ANKRD42: variants seen among roughly 807,000 people sequenced by gnomAD.
ANKRD42 encodes the protein ankyrin repeat domain-containing protein 42.
Under a neutral mutation model 51.5 loss-of-function variants are expected in ANKRD42, and 43 were observed. The ratio of observed to expected loss-of-function variants is 0.83; its 90% CI spans 0.65 to 1.08. The LOEUF is 1.08. ANKRD42 is among the 50% of genes least tolerant of loss of function. The probability of loss-of-function intolerance (pLI) is 0.00; values close to 1 mark genes in which losing one functional copy is unlikely to be tolerated. For missense variants in ANKRD42, 608 were observed against 629.3 expected, an observed-to-expected ratio of 0.97 and a Z score of 0.36; for synonymous variants, 203 against 213.0, an observed-to-expected ratio of 0.95 and a Z score of 0.41.
At chr11:83,208,116 T>A (rs1862149880) in intron 3 of ANKRD42, among the ~76,000 whole-genome samples, 1 of 152,050 alleles carries the variant, frequency 6.6e-6, no homozygotes, top group African/African-American at 2.4e-5. Flanking sequence ...ATCAACCTCC[T>A]GGGCCCAAGT....
intron 1 of ANKRD42, among the ~76,000 whole-genome samples, chr11:83,196,386 T>A (rs1343295275): frequency 7.5e-6 from 1 of 133,572 alleles, no homozygotes; most frequent in African/African-American, 3.3e-5. Context: ...GATTTGTGTG[T>A]GAGTGTGTGA....
intron 6 of ANKRD42, among the ~76,000 whole-genome samples, chr11:83,226,038 A>C (rs1862871982): frequency 6.6e-6 from 1 of 152,288 alleles, no homozygotes; most frequent in East Asian, 1.9e-4. Context: ...GATTATAGGC[A>C]TGGGCCACTG....
intron 5 of ANKRD42, among the ~76,000 whole-genome samples, chr11:83,224,405 A>G (rs933694390): frequency 6.6e-6 from 1 of 152,086 alleles, no homozygotes; most frequent in East Asian, 1.9e-4. Flanking sequence ...CTCTTCGGTG[A>G]CCCTCATCTG....
In ANKRD42 at chr11:83,194,071, A is replaced by G. The variant is rs1463268992; in HGVS notation, c.-600A>G. On this transcript the variant is annotated 5_prime_UTR_variant, in exon 1 of 11. Transcript: ENST00000533342. ...CCTCGGCCACTGCCGCAGCGTCTCTAGGGAGAGAGTTAGGGGAGATAGTGG... is the reference window on the plus strand; with the variant it reads ...CCTCGGCCACTGCCGCAGCGTCTCTGGGGAGAGAGTTAGGGGAGATAGTGG... 2.2e-5 allele frequency: 10 copies of G among 456,366 alleles called. No homozygotes were observed. The highest frequency in any genetic ancestry group is 4.4e-5 in the Non-Finnish European group (10 of 226,796). The allele number at this position is 456,366 out of a possible 1,614,324, so 28.3% of individuals were successfully genotyped here.
chr11:83,248,174 G>A lies in ANKRD42; in HGVS notation c.1554G>A (p.Leu518=). 1 of 1,525,348 alleles carries A rather than the reference G, an allele frequency of 6.6e-7. No homozygotes were observed. The highest frequency in any genetic ancestry group is 8.8e-7 in the Non-Finnish European group (1 of 1,138,328). 94.5% of individuals were successfully genotyped at this position (1,525,348 alleles called of 1,614,324 possible). Residue 518 remains leucine (L), a synonymous_variant, in exon 11 of 11, where the codon TTG becomes TTA. Transcript: ENST00000533342. ...PRVQALGWGS[L]DLNPGYSLF is the part of the protein sequence containing the mutation. ...TACAAGCTTTGGGCTGGGGCTCTTT[G>A]GACTTGAATCCTGGCTATAGTCTTT...
At chr11:83,227,513 G>T (rs1221194450) in intron 6 of ANKRD42, among the ~76,000 whole-genome samples, 1 of 152,274 alleles carries the variant, frequency 6.6e-6, no homozygotes, top group Non-Finnish European at 1.5e-5. Flanking sequence ...GCTAAAAATT[G>T]TCCTGGTACA....
chr11:83,227,280 G>T (rs760240193), intron 6 of ANKRD42, among the ~76,000 whole-genome samples: 27 of 151,766 alleles, frequency 1.8e-4, no homozygotes, highest in Non-Finnish European at 3.1e-4. Flanking sequence ...ACCTGGCTAA[G>T]TTTTGTATTT....
downstream of ANKRD42, chr11:83,261,880 G>A (rs1863944094): frequency 3.3e-6 from 5 of 1,538,448 alleles, no homozygotes; most frequent in Admixed American, 1.9e-5. Context: ...GTTCTAAGAA[G>A]CCAACAGCCA....
rs1221926999 is a variant in ANKRD42 at position 83,193,801 on chromosome 11, G to C, written c.-870G>C. 2.2e-6 allele frequency: 1 copy of C among 454,646 alleles called. No individual in the cohort carries two copies. The highest frequency in any genetic ancestry group is 2.4e-5 in the Admixed American group (1 of 42,142). The allele number at this position is 454,646 out of a possible 1,614,324, so 28.2% of individuals were successfully genotyped here. A position where few individuals can be genotyped will look rare whatever the true frequency, so the allele number is the denominator to read the frequency against. ...AAGAGACTCCGAGAAAGTACCAGCG[G>C]AAGGCGGCCGCCGCTACGGCGATTC... On this transcript the variant is annotated 5_prime_UTR_variant, in exon 1 of 11. Transcript: ENST00000533342.
chr11:83,228,962 TTA>T (rs1862985046), intron 7 of ANKRD42, among the ~76,000 whole-genome samples: 1 of 151,868 alleles, frequency 6.6e-6, no homozygotes, highest in African/African-American at 2.4e-5. Context: ...TGTTTTTTTT[TTA>T]ATGTGGTTTC....
At chr11:83,228,934 G>GT (rs1001596607) in intron 7 of ANKRD42, among the ~76,000 whole-genome samples, 8 of 101,330 alleles carry the variant, frequency 7.9e-5, no homozygotes, top group South Asian at 3.6e-4. Flanking sequence ...TGTACCTAAA[G>GT]TTTTTTTTGT....
Position 83,195,830 on chromosome 11 carries a change from A to ACT in ANKRD42, c.58+1117_58+1118dup, listed in dbSNP as rs1183472287. On this transcript the variant is annotated intron_variant, in intron 1 of 10. Transcript: ENST00000533342. ...AACTGTATTCTTACATGATCTACCT[A>ACT]CTCTCTCTCTCTCTCTTTTTTTTTT... is the stretch of plus-strand genomic sequence containing the variant. 1.3e-3 allele frequency among the ~76,000 whole-genome samples: 180 copies of ACT among 138,488 alleles called. 1 individual carries two copies. The highest frequency in any genetic ancestry group is 4.1e-3 in the Middle Eastern group (1 of 244). 90.9% of individuals were successfully genotyped at this position (138,488 alleles called of 152,430 possible).
exon 12 of ANKRD42, chr11:83,255,889 A>T (rs1443289645): frequency 1.3e-6 from 2 of 1,492,090 alleles, no homozygotes; most frequent in East Asian, 2.6e-5. Flanking sequence ...AGAGGCGAGT[A>T]AAAAAAAAGG....
Position 83,227,817 on chromosome 11 carries a change from T to TGG in ANKRD42, c.859_860dup (p.Val288GlufsTer2), listed in dbSNP as rs765484686. 6 of 1,613,452 alleles carry TGG rather than the reference T, an allele frequency of 3.7e-6. No individual in the cohort carries two copies. The East Asian group carries it at 1.3e-4, about 36-fold the overall frequency. The stretch of plus-strand genomic sequence containing the variant: ...GGATGCTTAAGAAATTAGTGGAAGA[T>TGG]GGAGTAATCAATATTAATGAGCGTG... On this transcript the variant is annotated frameshift_variant, in exon 7 of 11. Transcript: ENST00000533342. LOFTEE classifies it high-confidence loss of function.
At chr11:83,195,587 C>T (rs1327552317) in intron 1 of ANKRD42, among the ~76,000 whole-genome samples, 1 of 152,100 alleles carries the variant, frequency 6.6e-6, no homozygotes. Context: ...TCTATATATC[C>T]TCTCTGTCCT....
At chr11:83,259,801 A>C (rs908303640), downstream of ANKRD42, 1 of 152,238 alleles carries the variant, frequency 6.6e-6, no homozygotes, top group Non-Finnish European at 1.5e-5. Flanking sequence ...AGCAGCTAGG[A>C]CTATAGATGT....
chr11:83,212,965 C>G, intron 5 of ANKRD42: 1 of 1,564,844 alleles, frequency 6.4e-7, no homozygotes, highest in East Asian at 2.2e-5. Context: ...CCTCTCTCGG[C>G]GCTGCCTACG....
At chr11:83,217,000 G>A (rs980720359) in intron 5 of ANKRD42, among the ~76,000 whole-genome samples, 18 of 147,660 alleles carry the variant, frequency 1.2e-4, no homozygotes, top group African/African-American at 4.2e-4. Flanking sequence ...AGGCCAGTCG[G>A]AGACCAACAG....
chr11:83,198,572 G>A lies in ANKRD42; in HGVS notation c.152G>A (p.Ser51Asn). Residue 51 changes from serine (S) to asparagine (N), a missense_variant, in exon 2 of 11, where the codon AGC becomes AAC. Transcript: ENST00000533342. Reference sequence around the variant, plus strand: ...TCAGAAATAGTGGTACGTGGAGCCAGCATTAATGAACTTGATGTTCTCCAT... The same window carrying A: ...TCAGAAATAGTGGTACGTGGAGCCAACATTAATGAACTTGATGTTCTCCAT... ...QLSEIVVRGA[S>N]INELDVLHKF... 6.2e-7 allele frequency: 1 copy of A among 1,613,652 alleles called. No individual in the cohort carries two copies. Among genetic ancestry groups the A allele is most frequent in the Middle Eastern group, 1.6e-4 (1 of 6,062 alleles).
Sources: gnomAD v4.1 joint callset for allele counts (sites outside exome capture counted in the v4.1 genomes callset) on GRCh38, gnomAD v4.1.1 for gene constraint, MANE v1.5 for transcripts, NCBI Gene and HGNC (gene_info 2026-07-23, HGNC 2026-07-21) for gene names.